Variants in GDA observed in about 807,000 individuals in gnomAD.
GDA encodes the protein cytoplasmic PSD-95 interactor.
A neutral mutation model predicts 59.6 loss-of-function variants in GDA; 18 were observed. The ratio of observed to expected loss-of-function variants is 0.30; its 90% CI spans 0.21 to 0.45. The LOEUF (loss-of-function observed/expected upper bound fraction) is 0.45. GDA is among the 20% of genes least tolerant of loss of function. GDA has a pLI of 1.00. For missense variants in GDA, 427 were observed against 552.3 expected (o/e 0.77, Z 2.27); for synonymous variants, 201 against 201.1 (o/e 1.00, Z 0.00).
At chr9:72,243,394 C>T (rs890015567) in intron 11 of GDA, among the ~76,000 whole-genome samples, 12 of 152,214 alleles carry the variant, frequency 7.9e-5, no homozygotes, top group Non-Finnish European at 1.8e-4. Flanking sequence ...AAACCCTAGT[C>T]ACTGCACCTG....
At chr9:72,215,889 C>G (rs1836050156) in intron 5 of GDA, among the ~76,000 whole-genome samples, 1 of 152,180 alleles carries the variant, frequency 6.6e-6, no homozygotes, top group Admixed American at 6.5e-5. Context: ...GGTAAATGTT[C>G]ATAGTGACAT....
intron 8 of GDA, 130 bp from the exon 9 acceptor site, chr9:72,227,813 C>T: frequency 1.6e-6 from 1 of 627,400 alleles, no homozygotes; most frequent in Non-Finnish European, 2.9e-6. Flanking sequence ...TATAGATCAT[C>T]ATAAATGTTC....
chr9:72,256,822 G>T (rs959517227), downstream of GDA, among the ~76,000 whole-genome samples: 1 of 152,156 alleles, frequency 6.6e-6, no homozygotes, highest in African/African-American at 2.4e-5. Context: ...GTATGGTCAG[G>T]CAGTGGGTGT....
At chr9:72,201,191 GAA>G (rs1491321058) in intron 2 of GDA, among the ~76,000 whole-genome samples, 10 of 119,690 alleles carry the variant, frequency 8.4e-5, no homozygotes, top group African/African-American at 2.1e-4. Context: ...GAGTCACACA[GAA>G]TTTTTTTTTT....
At chr9:72,242,988 T>A (rs1252923765) in intron 11 of GDA, among the ~76,000 whole-genome samples, 5 of 152,204 alleles carry the variant, frequency 3.3e-5, no homozygotes, top group Admixed American at 3.3e-4. Flanking sequence ...AGCTTTTAAA[T>A]CTATTTTCTG....
At chr9:72,132,477 A>G (rs1826058687) in intron 1 of GDA, among the ~76,000 whole-genome samples, 1 of 152,212 alleles carries the variant, frequency 6.6e-6, no homozygotes, top group South Asian at 2.1e-4. Flanking sequence ...GACAGACAGT[A>G]GTACACAGTG....
At chr9:72,119,961 C>G (rs887126681) in intron 1 of GDA, among the ~76,000 whole-genome samples, 1 of 152,162 alleles carries the variant, frequency 6.6e-6, no homozygotes, top group Non-Finnish European at 1.5e-5. Context: ...AACCACATCT[C>G]TTAGAGCTGA....
At chr9:72,199,161 A>G (rs1024447310) in intron 2 of GDA, among the ~76,000 whole-genome samples, 1 of 152,074 alleles carries the variant, frequency 6.6e-6, no homozygotes, top group Admixed American at 6.6e-5. Flanking sequence ...GTCAAAAATA[A>G]ACTTGCAATC....
intron 1 of GDA, among the ~76,000 whole-genome samples, chr9:72,126,377 T>A (rs1825847868): frequency 6.6e-6 from 1 of 152,194 alleles, no homozygotes. Flanking sequence ...TGTGCCGGTT[T>A]AGCTAATAAA....
intron 1 of GDA, among the ~76,000 whole-genome samples, chr9:72,119,409 T>C (rs1825582404): frequency 6.6e-6 from 1 of 151,954 alleles, no homozygotes; most frequent in African/African-American, 2.4e-5. Flanking sequence ...GGAGTCTGAG[T>C]GGGAGGATCA....
upstream of GDA, among the ~76,000 whole-genome samples, chr9:72,149,186 G>A (rs138604746): frequency 6.6e-6 from 1 of 152,218 alleles, no homozygotes; most frequent in Non-Finnish European, 1.5e-5. Flanking sequence ...GAGTTGAAGG[G>A]TCAGAGGAGC....
intron 6 of GDA, among the ~76,000 whole-genome samples, chr9:72,220,848 A>T (rs1406665176): frequency 6.6e-6 from 1 of 152,158 alleles, no homozygotes; most frequent in African/African-American, 2.4e-5. Flanking sequence ...GCCTGCAGGC[A>T]TGCAGCAGGC....
chr9:72,168,121 G>T (rs1829531944), intron 1 of GDA, among the ~76,000 whole-genome samples: 3 of 152,172 alleles, frequency 2.0e-5, no homozygotes. Context: ...ATTGGGCAGG[G>T]TGAGGTAGCT....
rs550254133 is a variant in GDA, at chr9:72,248,965, CT to C, written c.*626del. 1.0e-4 allele frequency: 98 copies of C among 984,378 alleles called. No homozygotes were observed. The African/African-American group carries it at 1.6e-3, about 16-fold the overall frequency. 61.0% of individuals were successfully genotyped at this position (984,378 alleles called of 1,614,324 possible). A position where few individuals can be genotyped will look rare whatever the true frequency, so the allele number is the denominator to read the frequency against. ...ATGTGTTAGTGTTGTGCTTTGCCTT[CT>C]TTGGCGATGAATGTCAGAAATTGAA... On this transcript the variant is annotated 3_prime_UTR_variant, in exon 14 of 14. Transcript: ENST00000358399.
Position 72,154,032 on chromosome 9 carries a change from T to A in GDA, c.123+4350T>A, listed in dbSNP as rs1260888068. 2.0e-5 allele frequency among the ~76,000 whole-genome samples: 3 copies of A among 152,144 alleles called. No individual in the cohort carries two copies. The East Asian group carries it at 5.8e-4, about 29-fold the overall frequency. Reference sequence around the variant, plus strand: ...TATTTAATCTTGAGGTAATGCATGCTCAAATATTACTAAGTTGCCTGATTC... The same window carrying A: ...TATTTAATCTTGAGGTAATGCATGCACAAATATTACTAAGTTGCCTGATTC... On this transcript the variant is annotated intron_variant, in intron 1 of 13. Coordinates refer to ENST00000358399, the MANE Select transcript of GDA (RefSeq NM_004293.5).
chr9:72,118,904 G>A (rs1351433873), intron 1 of GDA, among the ~76,000 whole-genome samples: 21 of 152,292 alleles, frequency 1.4e-4, no homozygotes, highest in Non-Finnish European at 2.9e-5. Flanking sequence ...TACAGGGACT[G>A]TATTTGTCCC....
chr9:72,195,436 T>A, intron 1 of GDA, 64 bp from the exon 2 acceptor site: 1 of 579,582 alleles, frequency 1.7e-6, no homozygotes, highest in African/African-American at 1.9e-5. Context: ...ACATATTTAA[T>A]AAAAAACAAA....
chr9:72,164,678 T>G (rs1829062074), intron 1 of GDA, among the ~76,000 whole-genome samples: 1 of 152,136 alleles, frequency 6.6e-6, no homozygotes, highest in South Asian at 2.1e-4. Context: ...TTTGTAGCAT[T>G]CTGAGGAAAA....
chr9:72,179,347 A>T (rs1011635812), intron 1 of GDA, among the ~76,000 whole-genome samples: 1 of 152,218 alleles, frequency 6.6e-6, no homozygotes, highest in African/African-American at 2.4e-5. Flanking sequence ...AGTGTTTGGC[A>T]TATCTCTATT....
Sources: gnomAD v4.1 joint callset for allele counts (sites outside exome capture counted in the v4.1 genomes callset) on GRCh38, gnomAD v4.1.1 for gene constraint, MANE v1.5 for transcripts, NCBI Gene and HGNC (gene_info 2026-07-23, HGNC 2026-07-21) for gene names.